The following CPSF1 variants were observed in gnomAD, a reference collection of about 807,000 sequenced individuals.
CPSF1 encodes cleavage and polyadenylation specificity factor subunit 1.
CPSF1 carries 106 observed loss-of-function variants against 175.8 expected under a neutral mutation model. The ratio of observed to expected loss-of-function variants is 0.60; its 90% CI spans 0.52 to 0.71. The LOEUF is 0.71. Among genes scored for constraint, CPSF1 ranks in the 30% least tolerant of loss-of-function variants. The probability of loss-of-function intolerance (pLI) is 0.00; values close to 1 mark genes in which losing one functional copy is unlikely to be tolerated. For missense variants in CPSF1, 1,734 were observed against 2,022.9 expected, an observed-to-expected ratio of 0.86 and a Z score of 2.74; for synonymous variants, 1,024 against 858.3, an observed-to-expected ratio of 1.19 and a Z score of -3.37.
chr8:144,405,708 G>C (rs1327770493), intron 2 of CPSF1, among the ~76,000 whole-genome samples: 1 of 152,180 alleles, frequency 6.6e-6, no homozygotes, highest in Non-Finnish European at 1.5e-5. Flanking sequence ...GCTGCCTTTA[G>C]GGCAGACTGT....
Position 144,399,658 on chromosome 8 carries a change from G to T in CPSF1, c.1172C>A (p.Ser391Tyr). ...CTTCTCCGTGTACTTGAGGAGGAGG[G>T]AATTGCCCAGGCGAGAACCCAGGAA... ...YLFLGSRLGN[S>Y]LLLKYTEKLQ... Residue 391 changes from serine (S) to tyrosine (Y), a missense_variant, in exon 12 of 38, where the codon TCC becomes TAC. Around this residue, in one of 10 missense-constraint regions of CPSF1, gnomAD observed 162 missense variants for 169.5 expected, o/e 0.96. Transcript: ENST00000616140. This position sits in a 1 kb window ranked among gnomAD's most constrained non-coding sequence, Gnocchi z 6.4. The T allele has an allele frequency of 6.2e-7, 1 of 1,610,620 alleles. No homozygotes were observed. Among genetic ancestry groups the T allele is most frequent in the Admixed American group, 1.7e-5 (1 of 59,638 alleles).
At chr8:144,396,002 TG>T (rs1554863578) in intron 26 of CPSF1, 1 of 407,040 alleles carries the variant, frequency 2.5e-6, no homozygotes, top group Non-Finnish European at 4.5e-6. Context: ...TGAGAAAGCC[TG>T]TGTGCCCTCC....
At position 144,394,977 on chromosome 8, in the gene CPSF1, A is replaced by ACACTGTCTT. The variant is rs782766259; in HGVS notation, c.3310_3318dup (p.Lys1104_Val1106dup). 6.2e-7 allele frequency: 1 copy of ACACTGTCTT among 1,612,814 alleles called. No individual in the cohort carries two copies. On this transcript the variant is annotated inframe_insertion, in exon 30 of 38. Coordinates refer to ENST00000616140, the MANE Select transcript of CPSF1 (RefSeq NM_013291.3). ...GACACGGTCTCCTCACTGCGCAGAG[A>ACACTGTCTT]CACTGTCTTCATGCAGGTCACATGC...
In CPSF1 at chr8:144,395,339, G is replaced by C. The variant is rs781799286; in HGVS notation, c.3113C>G (p.Thr1038Ser). The C allele has an allele frequency of 3.1e-6, 5 of 1,613,364 alleles. No homozygotes were observed. The highest frequency in any genetic ancestry group is 2.7e-5 in the African/African-American group (2 of 74,910). ...HVESKVYAVA[T>S]STNTPCARIP... Reference sequence around the variant, plus strand: ...GCGGGCACACGGCGTGTTGGTGCTGGTGGCCACAGCATACACCTGTGGGTT... The same window carrying C: ...GCGGGCACACGGCGTGTTGGTGCTGCTGGCCACAGCATACACCTGTGGGTT... Residue 1038 changes from threonine to serine, a missense_variant, in exon 28 of 38, where the codon ACC (threonine) becomes AGC (serine). Physicochemically the swap from Thr to Ser is moderately conservative, Grantham distance 58 (BLOSUM62 1). Transcript: ENST00000616140.
Position 144,397,266 on chromosome 8 carries a change from G to A in CPSF1, c.2533C>T (p.Leu845Phe), listed in dbSNP as rs1554864244. 1.9e-6 allele frequency: 3 copies of A among 1,549,750 alleles called. No individual in the cohort carries two copies. In the South Asian group the frequency reaches 3.6e-5, roughly 18 times the overall value. Residue 845 changes from leucine to phenylalanine, a missense_variant, in exon 23 of 38, where the codon CTC (leucine) becomes TTC (phenylalanine). This residue lies in a region of CPSF1 where 585 missense variants were observed against 584.7 expected (regional missense o/e 1.00). Transcript: ENST00000616140. ...GCCACCAGCAGCACCTCCTTGACGAGGGGCAGCTCCCCCTGGCGCGTGGCC... is the reference window on the plus strand; with the variant it reads ...GCCACCAGCAGCACCTCCTTGACGAAGGGCAGCTCCCCCTGGCGCGTGGCC... ...EEATRQGELP[L>F]VKEVLLVALG...
chr8:144,394,576 G>A (rs782745137), intron 31 of CPSF1, 21 bp from the exon 32 acceptor site: 5 of 1,605,574 alleles, frequency 3.1e-6, no homozygotes, highest in Non-Finnish European at 4.2e-6. Flanking sequence ...GGGCGAGGGT[G>A]AGCGGGCGCG....
In CPSF1 at chr8:144,397,329, C is replaced by T; in HGVS notation, c.2470G>A (p.Gly824Arg). ...GQRVLVDSSF[G>R]QPTTQGEARR... ...GCCTCGCCCTGTGTAGTGGGCTGTC[C>T]AAAGGAGCTGTCCACAAGGACCCGC... The change falls in exon 23 of 38, where the codon GGA (glycine) becomes AGA (arginine). Residue 824 changes from glycine (G) to arginine (R), a missense_variant. This residue lies in a region of CPSF1 where 585 missense variants were observed against 584.7 expected (regional missense o/e 1.00). Transcript: ENST00000616140. 3.9e-6 allele frequency: 6 copies of T among 1,557,920 alleles called. No homozygotes were observed. Among genetic ancestry groups the T allele is most frequent in the Non-Finnish European group, 5.2e-6 (6 of 1,151,400 alleles).
intron 5 of CPSF1, 50 bp downstream of exon 5, chr8:144,401,161 A>G (rs1554866855): frequency 4.1e-6 from 3 of 734,544 alleles, no homozygotes; most frequent in Admixed American, 2.8e-5. Context: ...CTGCAGGGGG[A>G]GGGAGGGTGG....
Position 144,395,176 on chromosome 8 carries a change from C to T in CPSF1, c.3194G>A (p.Arg1065Gln), listed in dbSNP as rs1342271343. Residue 1065 changes from arginine (R) to glutamine (Q), a missense_variant, in exon 29 of 38, where the codon CGG becomes CAG. Physicochemically the swap from Arg to Gln is conservative, Grantham distance 43. Around this residue, in one of 10 missense-constraint regions of CPSF1, gnomAD observed 585 missense variants for 584.7 expected, o/e 1.00. Coordinates refer to ENST00000616140, the MANE Select transcript of CPSF1 (RefSeq NM_013291.3). ...KEFETIERDERYIHPQQEAFS... is the reference protein window; with the variant it reads ...KEFETIERDEQYIHPQQEAFS... ...GGCCTCCTGCTGGGGGTGGATGTACCGCTCATCTGTGGGGACCAAGGGTGA... is the reference window on the plus strand; with the variant it reads ...GGCCTCCTGCTGGGGGTGGATGTACTGCTCATCTGTGGGGACCAAGGGTGA... 13 of 1,612,524 alleles carry T rather than the reference C, an allele frequency of 8.1e-6. No individual in the cohort carries two copies. Among genetic ancestry groups the T allele is most frequent in the South Asian group, 1.1e-5 (1 of 90,990 alleles).
intron 18 of CPSF1, 36 bp downstream of exon 18, chr8:144,398,489 A>AGCCCCAG (rs2116850644): frequency 1.5e-6 from 2 of 1,341,584 alleles, no homozygotes; most frequent in South Asian, 2.9e-5. Context: ...AGGGGACCCC[A>AGCCCCAG]GCCCCAGGTC....
At position 144,401,552 on chromosome 8, in the gene CPSF1, G is replaced by A. The variant is rs2116885646; in HGVS notation, c.184C>T (p.His62Tyr). Residue 62 changes from histidine (H) to tyrosine (Y), a missense_variant, in exon 4 of 38, where the codon CAC becomes TAC. Transcript: ENST00000616140. ...KNDRSTEGKA[H>Y]REKLELAASF... ...GCAGCAAGCTCGAGCTTCTCCCGGT[G>A]GGCCTTCCCCTCTAGGGGAGACACC... 1 of 1,613,736 alleles carries A rather than the reference G, an allele frequency of 6.2e-7. No homozygotes were observed. The highest frequency in any genetic ancestry group is 8.5e-7 in the Non-Finnish European group (1 of 1,179,896).
Position 144,399,719 on chromosome 8 carries a change from G to A in CPSF1, c.1120-9C>T, listed in dbSNP as rs1586624158. ...GGCTCCATGGTGACCATCTGAGGGA[G>A]GGCAGGTGTGTGATGGCTGGGCCGG... On this transcript the variant is annotated splice_polypyrimidine_tract_variant and intron_variant, in intron 11 of 37. Coordinates refer to ENST00000616140, the MANE Select transcript of CPSF1 (RefSeq NM_013291.3). This position sits in a 1 kb window ranked among gnomAD's most constrained non-coding sequence, Gnocchi z 6.4. 1.2e-6 allele frequency: 2 copies of A among 1,607,314 alleles called. No individual in the cohort carries two copies. The highest frequency in any genetic ancestry group is 1.3e-5 in the African/African-American group (1 of 74,930).
chr8:144,400,135 G>GGGGGGCGCCCC, intron 9 of CPSF1, 31 bp downstream of exon 9: 4 of 896,008 alleles, frequency 4.5e-6, no homozygotes, highest in Non-Finnish European at 6.4e-6. Context: ...CCGTCCCCGG[G>GGGGGGCGCCCC]CCCCCCCCGC....
rs1189036211 is a variant in CPSF1 at position 144,393,603 on chromosome 8, G to A, written c.4146-13C>T. ...CACGTGCAGCATCCTGGGGCGTACA[G>A]GCACAGGTGTCAGGGCAGGCTGGGG... On this transcript the variant is annotated splice_polypyrimidine_tract_variant and intron_variant, in intron 36 of 37. Transcript: ENST00000616140. The A allele has an allele frequency of 6.2e-6, 10 of 1,600,868 alleles. No individual in the cohort carries two copies. The highest frequency in any genetic ancestry group is 4.5e-5 in the East Asian group (2 of 44,432).
At chr8:144,403,915 A>G (rs2116896431) in intron 2 of CPSF1, among the ~76,000 whole-genome samples, 1 of 151,748 alleles carries the variant, frequency 6.6e-6, no homozygotes, top group Non-Finnish European at 1.5e-5. Context: ...GTGAAACATT[A>G]CAAGTTTTCC....
In CPSF1 at chr8:144,393,610, G is replaced by C; in HGVS notation, c.4146-20C>G. ...AGCATCCTGGGGCGTACAGGCACAG[G>C]TGTCAGGGCAGGCTGGGGTGGAGGG... On this transcript the variant is annotated intron_variant, in intron 36 of 37. Coordinates refer to ENST00000616140, the MANE Select transcript of CPSF1 (RefSeq NM_013291.3). 2 of 1,598,658 alleles carry C rather than the reference G, an allele frequency of 1.3e-6. No homozygotes were observed. Among genetic ancestry groups the C allele is most frequent in the South Asian group, 1.1e-5 (1 of 88,772 alleles).
At position 144,400,995 on chromosome 8, in the gene CPSF1, G is replaced by A. The variant is rs2116880273; in HGVS notation, c.468C>T (p.Gly156=). The A allele has an allele frequency of 6.2e-7, 1 of 1,610,622 alleles. No individual in the cohort carries two copies. The highest frequency in any genetic ancestry group is 1.1e-5 in the South Asian group (1 of 90,938). ...GGAAGGGCAGGACCACCAGCCGCGT[G>A]CCGTAGACAAGCATGGCTGCACAGC... is the stretch of plus-strand genomic sequence containing the variant. ...DGRCAAMLVY[G]TRLVVLPFRR... The change falls in exon 6 of 38, where the codon GGC becomes GGT. Residue 156 remains glycine (G), a synonymous_variant. Transcript: ENST00000616140.
In CPSF1 at chr8:144,395,554, G is replaced by T. The variant is rs1820671169; in HGVS notation, c.2980-3C>A. On this transcript the variant is annotated splice_polypyrimidine_tract_variant and splice_region_variant and intron_variant, in intron 26 of 37. Coordinates refer to ENST00000616140, the MANE Select transcript of CPSF1 (RefSeq NM_013291.3). ...AGGACACTGATCCTCAGCTCGCCCT[G>T]GGGTGGGGGCACAGGGGTCAGGGGA... 1.3e-6 allele frequency: 2 copies of T among 1,595,452 alleles called. No individual in the cohort carries two copies. Among genetic ancestry groups the T allele is most frequent in the Non-Finnish European group, 1.7e-6 (2 of 1,166,514 alleles).
chr8:144,401,515 A>C lies in CPSF1; in HGVS notation c.221T>G (p.Phe74Cys), dbSNP rs2116885195. The change falls in exon 4 of 38, where the codon TTC becomes TGC. Residue 74 changes from phenylalanine to cysteine, a missense_variant. Coordinates refer to ENST00000616140, the MANE Select transcript of CPSF1 (RefSeq NM_013291.3). Reference protein sequence around the residue: ...EKLELAASFSFFGNVMSMASV... With the variant: ...EKLELAASFSCFGNVMSMASV... Reference sequence around the variant, plus strand: ...GGCCATGGACATGACGTTGCCAAAGAAGGAGAAGGAGGCAGCAAGCTCGAG... The same window carrying C: ...GGCCATGGACATGACGTTGCCAAAGCAGGAGAAGGAGGCAGCAAGCTCGAG... 40 of 1,613,976 alleles carry C rather than the reference A, an allele frequency of 2.5e-5. No individual in the cohort carries two copies. The highest frequency in any genetic ancestry group is 3.4e-5 in the Non-Finnish European group (40 of 1,179,978).
Sources: allele counts gnomAD v4.1 joint callset (sites outside exome capture counted in the v4.1 genomes callset), GRCh38; gene constraint gnomAD v4.1.1; regional missense constraint gnomAD v4.1.1; non-coding constraint Gnocchi (gnomAD v3.1); transcripts MANE v1.5; gene names NCBI Gene and HGNC (gene_info 2026-07-23, HGNC 2026-07-21).